CSMD2: variants seen among roughly 807,000 people sequenced by gnomAD.
The protein encoded by CSMD2 is CUB and Sushi multiple domains 2.
In CSMD2, 130 loss-of-function variants were observed where a neutral mutation model predicts 398.5. That is an observed-to-expected ratio of 0.33 (90% confidence interval 0.28 to 0.38). The LOEUF (loss-of-function observed/expected upper bound fraction) is 0.38, where lower values mean the gene tolerates loss of function less well. Among genes scored for constraint, CSMD2 ranks in the 10% least tolerant of loss-of-function variants. CSMD2 has a pLI of 1.00. For missense variants in CSMD2, 3,829 were observed against 4,764.9 expected (o/e 0.80, Z 5.78); for synonymous variants, 1,828 against 1,908.5 (o/e 0.96, Z 1.10).
chr1:33,941,791 T>A (rs1344210503), intron 3 of CSMD2, among the ~76,000 whole-genome samples: 1 of 152,062 alleles, frequency 6.6e-6, no homozygotes, highest in Non-Finnish European at 1.5e-5. Context: ...ATACTTGCTG[T>A]CTCCATTTCC....
At chr1:33,526,834 T>C (rs1249143750) in intron 65 of CSMD2, among the ~76,000 whole-genome samples, 1 of 152,250 alleles carries the variant, frequency 6.6e-6, no homozygotes, top group African/African-American at 2.4e-5. Flanking sequence ...ACCCCAGACC[T>C]ATCTTAAACT....
In CSMD2 at chr1:33,743,325, T is replaced by A; in HGVS notation, c.2128A>T (p.Thr710Ser). 1 of 1,613,798 alleles carries A rather than the reference T, an allele frequency of 6.2e-7. No homozygotes were observed. The highest frequency in any genetic ancestry group is 8.5e-7 in the Non-Finnish European group (1 of 1,179,896). ...CCCCTCTTCCCTGTGGAGTGGTCAG[T>A]CTGGAACTCGAGACGGGCCACGTGG... ...SGHVARLEFQ[T>S]DHSTGKRGFN... Residue 710 changes from threonine (T) to serine (S), a missense_variant, in exon 14 of 71, where the codon ACT (threonine) becomes TCT (serine). Physicochemically the swap from Thr to Ser is moderately conservative, Grantham distance 58 (BLOSUM62 1). Coordinates refer to ENST00000373381, the MANE Select transcript of CSMD2 (RefSeq NM_001281956.2).
intron 5 of CSMD2, among the ~76,000 whole-genome samples, chr1:33,915,111 T>C (rs1453169133): frequency 6.6e-6 from 1 of 152,196 alleles, no homozygotes; most frequent in Non-Finnish European, 1.5e-5. Context: ...GGATTTTTTT[T>C]TTCTCTCAAA....
At chr1:33,719,103 T>C (rs983600296) in intron 19 of CSMD2, among the ~76,000 whole-genome samples, 4 of 152,272 alleles carry the variant, frequency 2.6e-5, no homozygotes, top group Admixed American at 2.6e-4. Context: ...GCCTCACTGG[T>C]TGGGAAGGCT....
chr1:34,075,469 C>T lies in CSMD2; in HGVS notation c.404+13508G>A, dbSNP rs375703245. ...TACAACTTCCAAAACAGGTGTCTGACGCCAGTTGAGTGAAATCTGCAACTA... is the reference window on the plus strand; with the variant it reads ...TACAACTTCCAAAACAGGTGTCTGATGCCAGTTGAGTGAAATCTGCAACTA... On this transcript the variant is annotated intron_variant, in intron 2 of 70. Coordinates refer to ENST00000373381, the MANE Select transcript of CSMD2 (RefSeq NM_001281956.2). 7.2e-5 allele frequency among the ~76,000 whole-genome samples: 11 copies of T among 152,328 alleles called. No individual in the cohort carries two copies. The Middle Eastern group carries it at 0.014, about 188-fold the overall frequency.
At chr1:33,545,173 G>A (rs1656759525) in intron 57 of CSMD2, among the ~76,000 whole-genome samples, 1 of 152,114 alleles carries the variant, frequency 6.6e-6, no homozygotes, top group Non-Finnish European at 1.5e-5. Flanking sequence ...ACTCTCATCT[G>A]TTAAGCCTGC....
At chr1:33,821,027 A>C (rs1414251357) in intron 7 of CSMD2, among the ~76,000 whole-genome samples, 1 of 152,208 alleles carries the variant, frequency 6.6e-6, no homozygotes, top group Non-Finnish European at 1.5e-5. Context: ...ACGGTAAAGA[A>C]TGTAAGAGAA....
chr1:33,871,141 C>T (rs1640430442), intron 5 of CSMD2: 1 of 152,322 alleles, frequency 6.6e-6, no homozygotes. Flanking sequence ...ATAGGTGTTT[C>T]ATGGCACTAA....
chr1:33,743,741 T>G, intron 13 of CSMD2, 135 bp from the exon 14 acceptor site: 1 of 674,342 alleles, frequency 1.5e-6, no homozygotes, highest in Non-Finnish European at 2.5e-6. Flanking sequence ...TGGGCTGGAC[T>G]GGCTGGGCTC....
Position 33,537,704 on chromosome 1 carries a change from C to G in CSMD2, c.9632-95G>C. ...CCATCTTTGTTCTTTGCACTGCTCC[C>G]TTCCTGGTTGAGCTTGAACTCTGGG... is the stretch of plus-strand genomic sequence containing the variant. On this transcript the variant is annotated intron_variant, in intron 60 of 70. Transcript: ENST00000373381. This position sits in a 1 kb window ranked among gnomAD's most constrained non-coding sequence, Gnocchi z 4.6. The G allele has an allele frequency of 7.5e-7, 1 of 1,326,614 alleles. No individual in the cohort carries two copies. The highest frequency in any genetic ancestry group is 1.0e-6 in the Non-Finnish European group (1 of 986,270). 82.2% of individuals were successfully genotyped at this position (1,326,614 alleles called of 1,614,324 possible). A position where few individuals can be genotyped will look rare whatever the true frequency, so the allele number is the denominator to read the frequency against.
At chr1:33,982,983 A>G (rs544336059) in intron 3 of CSMD2, among the ~76,000 whole-genome samples, 1 of 152,306 alleles carries the variant, frequency 6.6e-6, no homozygotes, top group African/African-American at 2.4e-5. Context: ...TGAGGAGGGC[A>G]ACACTTCTAA....
chr1:33,699,240 G>C (rs187696952), intron 23 of CSMD2, among the ~76,000 whole-genome samples: 66 of 152,168 alleles, frequency 4.3e-4, no homozygotes, highest in Admixed American at 4.3e-3. Flanking sequence ...TAGCAGGAGC[G>C]TTCTTTTCAT....
intron 7 of CSMD2, among the ~76,000 whole-genome samples, chr1:33,823,392 C>CT (rs10578010): frequency 6.0e-5 from 9 of 149,322 alleles, no homozygotes; most frequent in Non-Finnish European, 8.9e-5. Flanking sequence ...TTCTCCCTTT[C>CT]TTTTTTTTTT....
At chr1:33,604,739 G>A (rs1640468223) in intron 42 of CSMD2, among the ~76,000 whole-genome samples, 1 of 152,194 alleles carries the variant, frequency 6.6e-6, no homozygotes, top group African/African-American at 2.4e-5. Context: ...CTGGTTCTGG[G>A]TAAGGAAGAA....
At chr1:33,726,113 G>GTA (rs1646520417) in intron 16 of CSMD2, among the ~76,000 whole-genome samples, 11 of 152,302 alleles carry the variant, frequency 7.2e-5, no homozygotes, top group African/African-American at 2.6e-4. Flanking sequence ...TCCACCCAAG[G>GTA]GGCATAGCCA....
intron 5 of CSMD2, chr1:33,882,071 T>C (rs985082439): frequency 1.3e-5 from 2 of 152,296 alleles, no homozygotes; most frequent in East Asian, 3.9e-4. Context: ...TTGGTATAAA[T>C]CCCTAAAAGT....
intron 1 of CSMD2, among the ~76,000 whole-genome samples, chr1:34,148,462 A>G (rs186774356): frequency 1.7e-4 from 26 of 152,370 alleles, no homozygotes; most frequent in Admixed American, 1.3e-3. Flanking sequence ...CAGCATGTTC[A>G]GTTTGATCTG....
At chr1:34,009,249 C>T (rs1156803159) in intron 3 of CSMD2, among the ~76,000 whole-genome samples, 13 of 151,972 alleles carry the variant, frequency 8.6e-5, no homozygotes, top group Non-Finnish European at 1.5e-4. Context: ...GCTGGCCCCA[C>T]GTCTCCCCTT....
rs759591694 is a variant in CSMD2, at chr1:33,518,759, G to T, written c.*53+706C>A. On this transcript the variant is annotated intron_variant, in intron 70 of 70. Transcript: ENST00000373381. This position sits in a 1 kb window ranked among gnomAD's most constrained non-coding sequence, Gnocchi z 4.3. Reference sequence around the variant, plus strand: ...TCCTGCTGGAATTTCTAGCCTGCTGGCCTGCCCTTTAGATTTCCACCTTGC... The same window carrying T: ...TCCTGCTGGAATTTCTAGCCTGCTGTCCTGCCCTTTAGATTTCCACCTTGC... Among the ~76,000 whole-genome samples the T allele has an allele frequency of 1.6e-4, 24 of 152,070 alleles. No homozygotes were observed. Among genetic ancestry groups the T allele is most frequent in the Middle Eastern group, 3.2e-3 (1 of 316 alleles).
Sources: gnomAD v4.1 joint callset for allele counts (sites outside exome capture counted in the v4.1 genomes callset) on GRCh38, gnomAD v4.1.1 for gene constraint, Gnocchi (gnomAD v3.1) non-coding constraint, MANE v1.5 for transcripts, NCBI Gene and HGNC (gene_info 2026-07-23, HGNC 2026-07-21) for gene names.